Variants in DISC1 observed in about 807,000 individuals in gnomAD.
DISC1 encodes disrupted in schizophrenia 1 protein.
DISC1 carries 57 observed loss-of-function variants against 84.5 expected under a neutral mutation model. The observed-to-expected ratio is 0.67, with a 90% CI of 0.55 to 0.84. The LOEUF is 0.84. DISC1 is among the 40% of genes least tolerant of loss of function. DISC1 has a pLI of 0.00. For synonymous variants in DISC1, 411 were observed against 415.2 expected, an observed-to-expected ratio of 0.99 and a Z score of 0.12; for missense variants, 1,000 against 1,057.8, an observed-to-expected ratio of 0.95 and a Z score of 0.76.
intron 9 of DISC1, among the ~76,000 whole-genome samples, chr1:231,920,444 GCAA>G (rs2126078048): frequency 6.6e-6 from 1 of 152,200 alleles, no homozygotes; most frequent in African/African-American, 2.4e-5. Flanking sequence ...CCAGCCCCTG[GCAA>G]CCTCCGTTCT....
At chr1:231,651,006 A>G (rs1192185491) in intron 1 of DISC1, among the ~76,000 whole-genome samples, 1 of 152,046 alleles carries the variant, frequency 6.6e-6, no homozygotes, top group East Asian at 1.9e-4. Flanking sequence ...AATGGGTTCA[A>G]ATGTCCTCCT....
chr1:231,766,916 C>T (rs1213109961), intron 4 of DISC1, among the ~76,000 whole-genome samples: 1 of 152,032 alleles, frequency 6.6e-6, no homozygotes, highest in Non-Finnish European at 1.5e-5. Flanking sequence ...CAGTGCAGGT[C>T]CCATAATAGT....
intron 11 of DISC1, among the ~76,000 whole-genome samples, chr1:232,017,397 T>A (rs909822056): frequency 3.3e-5 from 5 of 152,028 alleles, no homozygotes; most frequent in Admixed American, 6.6e-5. Context: ...TAAATTTTTT[T>A]AAAAAACTTA....
At chr1:231,813,376 TG>T (rs1265926813) in intron 8 of DISC1, 2 of 152,166 alleles carry the variant, frequency 1.3e-5, no homozygotes, top group Non-Finnish European at 2.9e-5. Flanking sequence ...GGAGGAACAT[TG>T]GAAGGTACAA....
chr1:231,715,846 G>A (rs887800958), intron 3 of DISC1, among the ~76,000 whole-genome samples: 7 of 152,130 alleles, frequency 4.6e-5, no homozygotes, highest in African/African-American at 7.2e-5. Context: ...ACAAAGAGCC[G>A]TGAAATGTTT....
At chr1:231,932,557 TCTCAATTTGCTTGAC>T (rs1309894349) in intron 9 of DISC1, among the ~76,000 whole-genome samples, 9 of 152,180 alleles carry the variant, frequency 5.9e-5, no homozygotes, top group Non-Finnish European at 1.3e-4. Context: ...TGGATTTGAA[TCTCAATTTGCTTGAC>T]CTCAAAGGCT....
chr1:231,860,638 T>G (rs1274451086), intron 9 of DISC1, among the ~76,000 whole-genome samples: 1 of 152,184 alleles, frequency 6.6e-6, no homozygotes, highest in Non-Finnish European at 1.5e-5. Flanking sequence ...ATTTTTTCCC[T>G]CCTGGCTCCA....
At position 231,897,566 on chromosome 1, in the gene DISC1, A is replaced by T. The variant is rs1558705381; in HGVS notation, c.1982-61262A>T. Among the ~76,000 whole-genome samples the T allele has an allele frequency of 6.6e-6, 1 of 152,100 alleles. No individual in the cohort carries two copies. The highest frequency in any genetic ancestry group is 1.5e-5 in the Non-Finnish European group (1 of 68,018). On this transcript the variant is annotated intron_variant, in intron 9 of 12. Transcript: ENST00000439617. This position sits in a 1 kb window ranked among gnomAD's most constrained non-coding sequence, Gnocchi z 4.5. ...ACCTCCAGCCTATTTGTGGCATCTG[A>T]AAAACTTTGCGGCAGCATTTTACAG...
At chr1:231,664,735 G>T (rs960158936) in intron 1 of DISC1, among the ~76,000 whole-genome samples, 1 of 152,082 alleles carries the variant, frequency 6.6e-6, no homozygotes, top group African/African-American at 2.4e-5. Flanking sequence ...ATAGTAATTT[G>T]TTATGGCAGC....
intron 9 of DISC1, among the ~76,000 whole-genome samples, chr1:231,894,815 C>T (rs2087555604): frequency 7.0e-6 from 1 of 142,410 alleles, no homozygotes; most frequent in Non-Finnish European, 1.5e-5. Context: ...TTCCATTGAT[C>T]TGTTTGTTTC....
At chr1:231,912,765 CTTTCT>C in intron 9 of DISC1, among the ~76,000 whole-genome samples, 1 of 142,338 alleles carries the variant, frequency 7.0e-6, no homozygotes, top group Non-Finnish European at 1.6e-5. Flanking sequence ...TTCTTTCTTT[CTTTCT>C]TTCTTTCTTT....
At chr1:231,840,735 T>C (rs1284591115) in intron 9 of DISC1, among the ~76,000 whole-genome samples, 6 of 151,562 alleles carry the variant, frequency 4.0e-5, no homozygotes, top group Non-Finnish European at 7.4e-5. Flanking sequence ...TGAGACGGAG[T>C]CTCGCTCTGT....
chr1:231,857,984 T>C (rs1013044790), intron 9 of DISC1, among the ~76,000 whole-genome samples: 1 of 152,194 alleles, frequency 6.6e-6, no homozygotes, highest in Non-Finnish European at 1.5e-5. Context: ...CTCTTGCCGC[T>C]ATAGGCCCGG....
intron 9 of DISC1, among the ~76,000 whole-genome samples, chr1:231,884,275 C>T (rs1416622740): frequency 6.6e-6 from 1 of 152,140 alleles, no homozygotes; most frequent in Admixed American, 6.5e-5. Context: ...ATAACAAATA[C>T]AATAACAGGA....
chr1:231,823,298 G>A (rs2081630335), intron 9 of DISC1, among the ~76,000 whole-genome samples: 2 of 152,024 alleles, frequency 1.3e-5, no homozygotes, highest in African/African-American at 2.4e-5. Flanking sequence ...GCAGGGAGAG[G>A]GAGGAAATGG....
intron 1 of DISC1, among the ~76,000 whole-genome samples, chr1:231,677,510 C>T (rs1487726899): frequency 6.6e-6 from 1 of 152,178 alleles, no homozygotes; most frequent in African/African-American, 2.4e-5. Flanking sequence ...ACGTCACCTG[C>T]CAGAAATTTA....
intron 8 of DISC1, among the ~76,000 whole-genome samples, chr1:231,804,130 A>G (rs1558574755): frequency 6.6e-6 from 1 of 152,088 alleles, no homozygotes; most frequent in East Asian, 1.9e-4. Context: ...TTTGGTGGGC[A>G]TATTTTTATA....
chr1:232,018,682 G>A (rs1440586574), intron 11 of DISC1, among the ~76,000 whole-genome samples: 1 of 152,172 alleles, frequency 6.6e-6, no homozygotes, highest in Non-Finnish European at 1.5e-5. Flanking sequence ...GGTGAGTTAA[G>A]CAAATTATAT....
At chr1:231,820,939 C>T (rs909916562) in intron 9 of DISC1, among the ~76,000 whole-genome samples, 3 of 152,158 alleles carry the variant, frequency 2.0e-5, no homozygotes, top group Non-Finnish European at 4.4e-5. Context: ...CAGTGTCTCT[C>T]GTACAGAGAC....
Sources: gnomAD v4.1 joint callset for allele counts (sites outside exome capture counted in the v4.1 genomes callset) on GRCh38, gnomAD v4.1.1 for gene constraint, Gnocchi (gnomAD v3.1) non-coding constraint, MANE v1.5 for transcripts, NCBI Gene and HGNC (gene_info 2026-07-23, HGNC 2026-07-21) for gene names.